Variants in CADM1 observed in about 807,000 individuals in gnomAD.
CADM1 encodes cell adhesion molecule 1.
CADM1 carries 15 observed loss-of-function variants against 53.1 expected under a neutral mutation model. That is an observed-to-expected ratio of 0.28 (90% confidence interval 0.19 to 0.44). CADM1 has a LOEUF of 0.44. Among genes scored for constraint, CADM1 ranks in the 20% least tolerant of loss-of-function variants. The probability of loss-of-function intolerance (pLI) is 1.00; values close to 1 mark genes in which losing one functional copy is unlikely to be tolerated. For missense variants in CADM1, 434 were observed against 611.3 expected (o/e 0.71, Z 3.06); for synonymous variants, 281 against 243.0 (o/e 1.16, Z -1.45).
chr11:115,415,733 G>A (rs558203801), intron 1 of CADM1, among the ~76,000 whole-genome samples: 3 of 147,640 alleles, frequency 2.0e-5, no homozygotes, highest in African/African-American at 7.4e-5. Context: ...CTACTCAAGG[G>A]GCTGAGGCAG....
At chr11:115,456,887 T>G (rs1948694204) in intron 1 of CADM1, among the ~76,000 whole-genome samples, 1 of 152,134 alleles carries the variant, frequency 6.6e-6, no homozygotes, top group Admixed American at 6.6e-5. Flanking sequence ...ACCAAGCACT[T>G]TCTAGATTTC....
At chr11:115,178,338 A>G (rs1196460338) in intron 11 of CADM1, among the ~76,000 whole-genome samples, 1 of 152,130 alleles carries the variant, frequency 6.6e-6, no homozygotes, top group Non-Finnish European at 1.5e-5. Context: ...ACCAGCCTCT[A>G]CTTTATCATT....
intron 1 of CADM1, among the ~76,000 whole-genome samples, chr11:115,335,710 A>G (rs1468117821): frequency 6.6e-6 from 1 of 152,124 alleles, no homozygotes; most frequent in African/African-American, 2.4e-5. Flanking sequence ...CATTTGGAAA[A>G]TATTAGTTCA....
At chr11:115,223,420 C>T (rs1360954096) in intron 5 of CADM1, among the ~76,000 whole-genome samples, 1 of 152,130 alleles carries the variant, frequency 6.6e-6, no homozygotes. Flanking sequence ...CAAAATTTAA[C>T]CTTGAGTTAA....
At chr11:115,369,053 A>AAAAAAAAAAAAACAAC (rs1946247839) in intron 1 of CADM1, among the ~76,000 whole-genome samples, 1 of 150,084 alleles carries the variant, frequency 6.7e-6, no homozygotes, top group Admixed American at 6.6e-5. Context: ...AAAAAAAAAA[A>AAAAAAAAAAAAACAAC]ATTAGGTAAG....
intron 1 of CADM1, among the ~76,000 whole-genome samples, chr11:115,500,139 C>G (rs1949700085): frequency 6.6e-6 from 1 of 152,174 alleles, no homozygotes; most frequent in Admixed American, 6.5e-5. Context: ...GCATAATGGT[C>G]AAAACTATTC....
At chr11:115,269,040 C>T (rs940059531) in intron 1 of CADM1, among the ~76,000 whole-genome samples, 28 of 152,022 alleles carry the variant, frequency 1.8e-4, no homozygotes, top group African/African-American at 5.8e-4. Flanking sequence ...TCCCATAGTT[C>T]GAAGTATTTC....
intron 1 of CADM1, among the ~76,000 whole-genome samples, chr11:115,309,457 G>C (rs540587215): frequency 5.3e-5 from 8 of 152,118 alleles, no homozygotes; most frequent in Non-Finnish European, 7.4e-5. Context: ...CTTTTAAAAC[G>C]GTTCATTTTC....
intron 1 of CADM1, among the ~76,000 whole-genome samples, chr11:115,255,410 T>G (rs1470141699): frequency 6.6e-6 from 1 of 152,166 alleles, no homozygotes; most frequent in East Asian, 1.9e-4. Flanking sequence ...CCTGGGAGAT[T>G]ACTAAAAATG....
intron 10 of CADM1, among the ~76,000 whole-genome samples, chr11:115,182,752 C>G (rs1330349078): frequency 6.6e-6 from 1 of 152,236 alleles, no homozygotes; most frequent in African/African-American, 2.4e-5. Flanking sequence ...GTGTTCCTGA[C>G]AGCTCACAGT....
chr11:115,360,390 A>G (rs933193333), intron 1 of CADM1, among the ~76,000 whole-genome samples: 1 of 152,230 alleles, frequency 6.6e-6, no homozygotes, highest in African/African-American at 2.4e-5. Flanking sequence ...CACTGCTTAC[A>G]TGATTATTAA....
chr11:115,469,732 C>A lies in CADM1; in HGVS notation c.124+34539G>T, dbSNP rs113556852. Among the ~76,000 whole-genome samples, 328 of 126,138 alleles carry A rather than the reference C, an allele frequency of 2.6e-3. 1 individual carries two copies. Among genetic ancestry groups the A allele is most frequent in the African/African-American group, 9.5e-3 (317 of 33,214 alleles). 82.8% of individuals were successfully genotyped at this position (126,138 alleles called of 152,430 possible). On this transcript the variant is annotated intron_variant, in intron 1 of 11. Transcript: ENST00000331581. ...TGTTGCCCAAGCTGGAGTGCAGTGG[C>A]ACTATCTCAGCTCACTGTAACCTCC... is the stretch of plus-strand genomic sequence containing the variant.
chr11:115,363,610 T>C (rs977239955), intron 1 of CADM1: 2 of 152,166 alleles, frequency 1.3e-5, no homozygotes, highest in African/African-American at 4.8e-5. Flanking sequence ...AAACAGAAAT[T>C]TGTTTCCTTT....
At chr11:115,274,655 A>G (rs1943394801) in intron 1 of CADM1, among the ~76,000 whole-genome samples, 1 of 152,258 alleles carries the variant, frequency 6.6e-6, no homozygotes, top group Non-Finnish European at 1.5e-5. Flanking sequence ...TTGAACGTGT[A>G]GTAAAGAAGG....
intron 1 of CADM1, among the ~76,000 whole-genome samples, chr11:115,371,855 C>T (rs1380218417): frequency 6.6e-6 from 1 of 151,712 alleles, no homozygotes; most frequent in Non-Finnish European, 1.5e-5. Context: ...ATAAGAAAAT[C>T]ACTTTAAACA....
chr11:115,344,292 A>G (rs948060994), intron 1 of CADM1, among the ~76,000 whole-genome samples: 14 of 152,146 alleles, frequency 9.2e-5, no homozygotes, highest in Non-Finnish European at 1.6e-4. Context: ...TCTGGTACTA[A>G]TCGCAGTCCC....
At chr11:115,455,961 A>G (rs1948675383) in intron 1 of CADM1, among the ~76,000 whole-genome samples, 1 of 152,190 alleles carries the variant, frequency 6.6e-6, no homozygotes, top group African/African-American at 2.4e-5. Context: ...CATGCTGAAC[A>G]TCCTACAACT....
chr11:115,249,003 A>G (rs554722469), intron 1 of CADM1, among the ~76,000 whole-genome samples: 87 of 152,340 alleles, frequency 5.7e-4, no homozygotes, highest in African/African-American at 2.0e-3. Flanking sequence ...CTGAAGGCAG[A>G]GGCTTCTTAT....
At position 115,467,799 on chromosome 11, in the gene CADM1, C is replaced by T. The variant is rs147973005; in HGVS notation, c.124+36472G>A. ...TTACTCTTCAGCAAGCCAAGGCAAACGCCTAAGGACCTTTAAACAAAAGAA... is the reference window on the plus strand; with the variant it reads ...TTACTCTTCAGCAAGCCAAGGCAAATGCCTAAGGACCTTTAAACAAAAGAA... On this transcript the variant is annotated intron_variant, in intron 1 of 11. Transcript: ENST00000331581. Among the ~76,000 whole-genome samples the T allele has an allele frequency of 7.2e-3, 1,099 of 152,208 alleles. 9 individuals carry two copies. The highest frequency in any genetic ancestry group is 0.023 in the African/African-American group (962 of 41,520).
Sources: allele counts gnomAD v4.1 joint callset (sites outside exome capture counted in the v4.1 genomes callset), GRCh38; gene constraint gnomAD v4.1.1; transcripts MANE v1.5; gene names NCBI Gene and HGNC (gene_info 2026-07-23, HGNC 2026-07-21).